The following SORCS2 variants were observed in gnomAD, a reference collection of about 807,000 sequenced individuals.
The protein encoded by SORCS2 is sortilin related VPS10 domain containing receptor 2.
SORCS2 carries 100 observed loss-of-function variants against 141.6 expected under a neutral mutation model. The ratio of observed to expected loss-of-function variants is 0.71; its 90% CI spans 0.60 to 0.83. The LOEUF (loss-of-function observed/expected upper bound fraction) is 0.83, where lower values mean the gene tolerates loss of function less well. Ranked by LOEUF, SORCS2 falls within the 40% of genes least tolerant of loss-of-function variation. SORCS2 has a pLI of 0.00. For missense variants in SORCS2, 1,646 were observed against 1,560.2 expected (o/e 1.05, Z -0.93); for synonymous variants, 789 against 676.9 (o/e 1.17, Z -2.57).
intron 3 of SORCS2, among the ~76,000 whole-genome samples, chr4:7,555,731 G>C (rs1714058084): frequency 6.6e-6 from 1 of 152,240 alleles, no homozygotes; most frequent in Admixed American, 6.5e-5. Context: ...TGCTCTAGAA[G>C]GGGATCATGG....
intron 4 of SORCS2, among the ~76,000 whole-genome samples, chr4:7,647,215 C>A (rs1334251000): frequency 6.6e-6 from 1 of 152,162 alleles, no homozygotes; most frequent in Admixed American, 6.5e-5. Context: ...TGGGGTTAGC[C>A]AGGGTTTAGA....
chr4:7,451,197 T>C (rs1005115957), intron 2 of SORCS2, among the ~76,000 whole-genome samples: 18 of 152,180 alleles, frequency 1.2e-4, no homozygotes, highest in Admixed American at 5.2e-4. Context: ...AATGAATGCA[T>C]GATGGAGTGA....
intron 1 of SORCS2, among the ~76,000 whole-genome samples, chr4:7,269,886 T>C (rs1670354935): frequency 6.6e-6 from 1 of 152,230 alleles, no homozygotes; most frequent in Non-Finnish European, 1.5e-5. Flanking sequence ...GTACTACTTA[T>C]TTTTTATTTT....
chr4:7,658,722 G>T (rs1259150486), intron 5 of SORCS2, among the ~76,000 whole-genome samples: 1 of 152,170 alleles, frequency 6.6e-6, no homozygotes, highest in Admixed American at 6.5e-5. Context: ...TGTCCACCTG[G>T]GGCCACTTGG....
intron 3 of SORCS2, among the ~76,000 whole-genome samples, chr4:7,545,242 C>G (rs1297648528): frequency 6.6e-6 from 1 of 152,086 alleles, no homozygotes; most frequent in Non-Finnish European, 1.5e-5. Flanking sequence ...TGGAGTTCCT[C>G]CCTCTTCTGA....
chr4:7,684,348 C>A (rs1216809766), intron 10 of SORCS2, among the ~76,000 whole-genome samples: 1 of 152,228 alleles, frequency 6.6e-6, no homozygotes, highest in Non-Finnish European at 1.5e-5. Context: ...CTATGCCTGA[C>A]ATGGAGCAAT....
At position 7,729,727 on chromosome 4, in the gene SORCS2, C is replaced by A; in HGVS notation, c.3108+15C>A. ...CGAGTGATAAGGTATGTCCTGTGGC[C>A]GCTGCACTCCCAGGTCCTCCCTGCA... is the stretch of plus-strand genomic sequence containing the variant. On this transcript the variant is annotated intron_variant, in intron 23 of 26. Coordinates refer to ENST00000507866, the MANE Select transcript of SORCS2 (RefSeq NM_020777.3). 6.2e-7 allele frequency: 1 copy of A among 1,606,996 alleles called. No homozygotes were observed. The highest frequency in any genetic ancestry group is 8.5e-7 in the Non-Finnish European group (1 of 1,175,970).
intron 3 of SORCS2, among the ~76,000 whole-genome samples, chr4:7,569,196 C>A (rs948193288): frequency 2.0e-5 from 3 of 152,338 alleles, no homozygotes; most frequent in African/African-American, 2.4e-5. Flanking sequence ...GTGAGAAGGC[C>A]TGTGCCTTGA....
chr4:7,621,219 A>G (rs891403081), intron 3 of SORCS2, among the ~76,000 whole-genome samples: 3 of 152,308 alleles, frequency 2.0e-5, no homozygotes, highest in African/African-American at 7.2e-5. Flanking sequence ...TGTGGGAAGT[A>G]GGGGCACAGG....
chr4:7,244,163 C>T (rs1279330128), intron 1 of SORCS2, among the ~76,000 whole-genome samples: 1 of 152,214 alleles, frequency 6.6e-6, no homozygotes, highest in Non-Finnish European at 1.5e-5. Flanking sequence ...GGGCTGTGCT[C>T]CTCCCAGCCT....
At chr4:7,693,390 A>C (rs1231345881) in intron 11 of SORCS2, among the ~76,000 whole-genome samples, 1 of 152,124 alleles carries the variant, frequency 6.6e-6, no homozygotes, top group Non-Finnish European at 1.5e-5. Context: ...GCTGCTCTCC[A>C]TGCCCAGGGC....
chr4:7,391,413 G>A (rs530874982), intron 1 of SORCS2, among the ~76,000 whole-genome samples: 352 of 152,318 alleles, frequency 2.3e-3, no homozygotes, highest in Non-Finnish European at 4.0e-3. Context: ...CTCATCTCCA[G>A]GCAAGTTGGA....
chr4:7,345,098 T>A (rs1720582174), intron 1 of SORCS2, among the ~76,000 whole-genome samples: 1 of 152,116 alleles, frequency 6.6e-6, no homozygotes, highest in Non-Finnish European at 1.5e-5. Flanking sequence ...GGGGGAAGGA[T>A]TTTACCTTGT....
At chr4:7,677,438 C>T (rs529134879) in intron 9 of SORCS2, among the ~76,000 whole-genome samples, 3 of 152,360 alleles carry the variant, frequency 2.0e-5, no homozygotes, top group South Asian at 2.1e-4. Context: ...CCCAGGCAGA[C>T]GCAGACATAA....
intron 1 of SORCS2, among the ~76,000 whole-genome samples, chr4:7,290,220 C>T (rs977849686): frequency 5.9e-5 from 9 of 152,152 alleles, no homozygotes; most frequent in African/African-American, 9.7e-5. Flanking sequence ...GCTCTTGTAA[C>T]GAACACATCT....
At chr4:7,461,577 A>T (rs4599414) in intron 2 of SORCS2, among the ~76,000 whole-genome samples, 1 of 152,098 alleles carries the variant, frequency 6.6e-6, no homozygotes, top group Non-Finnish European at 1.5e-5. Flanking sequence ...CCAAGGACAT[A>T]ATGAGAAATG....
chr4:7,192,636 C>T lies in SORCS2; in HGVS notation c.-11C>T, dbSNP rs1726908681. ...GCCCCGCCGCCGGCTCCGCTGCCGC[C>T]CCTGGCGACCATGGCGCACCGGGGG... On this transcript the variant is annotated 5_prime_UTR_variant, in exon 1 of 27. Transcript: ENST00000507866. The surrounding 1 kb of genome is among the most constrained non-coding windows in gnomAD (Gnocchi z 4.0). 3.0e-6 allele frequency: 3 copies of T among 987,424 alleles called. No individual in the cohort carries two copies. Among genetic ancestry groups the T allele is most frequent in the South Asian group, 9.0e-5 (2 of 22,152 alleles). The allele number at this position is 987,424 out of a possible 1,614,324, so 61.2% of individuals were successfully genotyped here. A position where few individuals can be genotyped will look rare whatever the true frequency, so the allele number is the denominator to read the frequency against.
At chr4:7,434,183 C>CA in intron 2 of SORCS2, 6 of 1,613,848 alleles carry the variant, frequency 3.7e-6, no homozygotes, top group South Asian at 2.2e-5. Flanking sequence ...TCAGCAGGGA[C>CA]AAAAAACTGG....
At chr4:7,621,931 C>T (rs1719221636) in intron 3 of SORCS2, among the ~76,000 whole-genome samples, 1 of 152,208 alleles carries the variant, frequency 6.6e-6, no homozygotes, top group African/African-American at 2.4e-5. Context: ...TGATCACTGC[C>T]TGGCTTGGTG....
Sources: allele counts gnomAD v4.1 joint callset (sites outside exome capture counted in the v4.1 genomes callset), GRCh38; gene constraint gnomAD v4.1.1; non-coding constraint Gnocchi (gnomAD v3.1); transcripts MANE v1.5; gene names NCBI Gene and HGNC (gene_info 2026-07-23, HGNC 2026-07-21).